Variants in TMEM38B observed in about 807,000 individuals in gnomAD.
TMEM38B encodes the protein transmembrane protein 38B.
TMEM38B carries 24 observed loss-of-function variants against 28.7 expected under a neutral mutation model. The observed-to-expected ratio is 0.84, with a 90% CI of 0.61 to 1.18. The LOEUF (loss-of-function observed/expected upper bound fraction) is 1.18, where lower values mean the gene tolerates loss of function less well. Ranked by LOEUF, TMEM38B falls within the 50% of genes most tolerant of loss-of-function variation. The pLI is 0.00. For missense variants in TMEM38B, 380 were observed against 350.9 expected (o/e 1.08, Z -0.66); for synonymous variants, 131 against 127.7 (o/e 1.03, Z -0.17).
chr9:105,723,945 C>T (rs1164507157), intron 4 of TMEM38B, among the ~76,000 whole-genome samples: 1 of 152,096 alleles, frequency 6.6e-6, no homozygotes, highest in Non-Finnish European at 1.5e-5. Flanking sequence ...AAGCAGTTCT[C>T]CTGCCTCAGC....
In TMEM38B at chr9:105,721,562, G is replaced by A; in HGVS notation, c.295G>A (p.Asp99Asn). 1 of 1,600,136 alleles carries A rather than the reference G, an allele frequency of 6.2e-7. No homozygotes were observed. The highest frequency in any genetic ancestry group is 1.1e-5 in the South Asian group (1 of 88,156). ...GTATATTACATTTTTTTGCCCGCAT[G>A]ACCTAGTTTCCCAGGGCTATTCATA... ...IWYITFFCPH[D>N]LVSQGYSYLP... The change falls in exon 3 of 6, where the codon GAC becomes AAC. Residue 99 changes from aspartate (D) to asparagine (N), a missense_variant. Coordinates refer to ENST00000374692, the MANE Select transcript of TMEM38B (RefSeq NM_018112.3).
intron 5 of TMEM38B, among the ~76,000 whole-genome samples, chr9:105,754,564 AGTT>A (rs1837768231): frequency 6.6e-6 from 1 of 152,238 alleles, no homozygotes; most frequent in Non-Finnish European, 1.5e-5. Flanking sequence ...GAAATCAAGA[AGTT>A]GTTTGAAACT....
intron 2 of TMEM38B, among the ~76,000 whole-genome samples, chr9:105,708,242 A>C (rs1835756568): frequency 6.6e-6 from 1 of 152,248 alleles, no homozygotes; most frequent in Non-Finnish European, 1.5e-5. Flanking sequence ...ATAACAATGC[A>C]ACAATAAAAA....
chr9:105,699,450 T>C (rs1219299783), intron 1 of TMEM38B, among the ~76,000 whole-genome samples: 1 of 152,208 alleles, frequency 6.6e-6, no homozygotes, highest in African/African-American at 2.4e-5. Flanking sequence ...TGGTATGCAC[T>C]CTGCCACTAA....
Position 105,775,355 on chromosome 9 carries a change from T to C in TMEM38B, c.*1275T>C, listed in dbSNP as rs1263746554. The C allele has an allele frequency of 6.6e-6, 1 of 152,138 alleles. No individual in the cohort carries two copies. Among genetic ancestry groups the C allele is most frequent in the Non-Finnish European group, 1.5e-5 (1 of 67,994 alleles). 9.4% of individuals were successfully genotyped at this position (152,138 alleles called of 1,614,324 possible). On this transcript the variant is annotated 3_prime_UTR_variant, in exon 6 of 6. Coordinates refer to ENST00000374692, the MANE Select transcript of TMEM38B (RefSeq NM_018112.3). ...AAATGATGTTAATTTTCTTACTTTA[T>C]GATTTAGAAGTCCAGTTATAATATT...
Position 105,694,565 on chromosome 9 carries a change from C to T in TMEM38B, c.-96C>T. The T allele has an allele frequency of 2.4e-6, 2 of 844,372 alleles. No individual in the cohort carries two copies. Among genetic ancestry groups the T allele is most frequent in the Non-Finnish European group, 3.6e-6 (2 of 557,314 alleles). The allele number at this position is 844,372 out of a possible 1,614,324, so 52.3% of individuals were successfully genotyped here. Reference sequence around the variant, plus strand: ...CGGAGCTGGAGCCGGCGCGGAGGAGCGGGCGGCCGCGGCTGTGCCCTCTCC... The same window carrying T: ...CGGAGCTGGAGCCGGCGCGGAGGAGTGGGCGGCCGCGGCTGTGCCCTCTCC... On this transcript the variant is annotated 5_prime_UTR_variant, in exon 1 of 6. Transcript: ENST00000374692.
intron 2 of TMEM38B, among the ~76,000 whole-genome samples, chr9:105,716,587 T>C (rs1265049139): frequency 2.6e-5 from 4 of 152,184 alleles, no homozygotes; most frequent in Non-Finnish European, 5.9e-5. Context: ...TCACATAGTT[T>C]TGTTGTAAGT....
chr9:105,759,534 T>C, intron 5 of TMEM38B: 1 of 1,564,018 alleles, frequency 6.4e-7, no homozygotes, highest in Admixed American at 1.7e-5. Flanking sequence ...TAGGGTTAAG[T>C]GGTATGCATG....
intron 2 of TMEM38B, among the ~76,000 whole-genome samples, chr9:105,718,695 G>A (rs1369369369): frequency 6.6e-6 from 1 of 152,140 alleles, no homozygotes; most frequent in East Asian, 1.9e-4. Flanking sequence ...ATAGTATTGT[G>A]TACACTTTCA....
intron 2 of TMEM38B, among the ~76,000 whole-genome samples, chr9:105,713,742 A>G (rs1835992700): frequency 6.6e-6 from 1 of 152,196 alleles, no homozygotes; most frequent in African/African-American, 2.4e-5. Context: ...TCCTGCCACC[A>G]GAGGCGGAAC....
At chr9:105,764,761 G>A (rs1432594967) in intron 5 of TMEM38B, among the ~76,000 whole-genome samples, 8 of 151,220 alleles carry the variant, frequency 5.3e-5, no homozygotes, top group Admixed American at 1.3e-4. Context: ...CCAAAAAAGA[G>A]CCCGCATCGC....
chr9:105,728,508 T>C (rs1836610753), intron 4 of TMEM38B, among the ~76,000 whole-genome samples: 1 of 152,216 alleles, frequency 6.6e-6, no homozygotes, highest in Non-Finnish European at 1.5e-5. Flanking sequence ...TTTTGGTTGG[T>C]TCCAAGTCTT....
chr9:105,723,537 A>G (rs1325584720), intron 4 of TMEM38B, among the ~76,000 whole-genome samples: 3 of 151,806 alleles, frequency 2.0e-5, no homozygotes, highest in Non-Finnish European at 2.9e-5. Context: ...GACTACAGGC[A>G]TCTGCCATCA....
intron 5 of TMEM38B, among the ~76,000 whole-genome samples, chr9:105,754,314 C>G (rs1393874183): frequency 1.3e-5 from 2 of 152,164 alleles, no homozygotes; most frequent in African/African-American, 4.8e-5. Context: ...ACTCTCCACT[C>G]AAAAGCAACA....
At chr9:105,736,262 T>C (rs1836974262) in intron 4 of TMEM38B, among the ~76,000 whole-genome samples, 1 of 152,166 alleles carries the variant, frequency 6.6e-6, no homozygotes, top group Admixed American at 6.5e-5. Flanking sequence ...CCAGATAGTG[T>C]CCTATAAGTC....
At chr9:105,745,556 T>C (rs1234279913) in intron 4 of TMEM38B, among the ~76,000 whole-genome samples, 3 of 152,178 alleles carry the variant, frequency 2.0e-5, no homozygotes, top group Non-Finnish European at 4.4e-5. Context: ...ACTCTGATGG[T>C]AGTTTCTTTT....
rs192912259 is a variant in TMEM38B at position 105,720,653 on chromosome 9, C to T, written c.270-884C>T. Among the ~76,000 whole-genome samples, 20 of 152,140 alleles carry T rather than the reference C, an allele frequency of 1.3e-4. No homozygotes were observed. In the East Asian group the frequency reaches 3.3e-3, roughly 25 times the overall value. On this transcript the variant is annotated intron_variant, in intron 2 of 5. Coordinates refer to ENST00000374692, the MANE Select transcript of TMEM38B (RefSeq NM_018112.3). Reference sequence around the variant, plus strand: ...ATTGAAGAATTCTGACTTTATAAATCGTGAATTGCAATAAGATTAATAGCT... The same window carrying T: ...ATTGAAGAATTCTGACTTTATAAATTGTGAATTGCAATAAGATTAATAGCT...
intron 5 of TMEM38B, among the ~76,000 whole-genome samples, chr9:105,750,673 T>C (rs1236965995): frequency 2.0e-5 from 3 of 152,160 alleles, no homozygotes; most frequent in African/African-American, 7.2e-5. Flanking sequence ...CTATTTTCTC[T>C]TTTATTATGT....
At chr9:105,758,075 G>A (rs888364001) in intron 5 of TMEM38B, 7 of 358,356 alleles carry the variant, frequency 2.0e-5, no homozygotes, top group Non-Finnish European at 2.6e-5. Flanking sequence ...GGCAGGGCCA[G>A]TGGTTGTGCT....
Sources: gnomAD v4.1 joint callset for allele counts (sites outside exome capture counted in the v4.1 genomes callset) on GRCh38, gnomAD v4.1.1 for gene constraint, MANE v1.5 for transcripts, NCBI Gene and HGNC (gene_info 2026-07-23, HGNC 2026-07-21) for gene names.